Variants in EFNA5 observed in about 807,000 individuals in gnomAD.
EFNA5 encodes the protein ephrin-A5.
In EFNA5, 5 loss-of-function variants were observed where a neutral mutation model predicts 22.9. The observed-to-expected ratio is 0.22, with a 90% CI of 0.11 to 0.46. EFNA5 has a LOEUF of 0.46. Ranked by LOEUF, EFNA5 falls within the 20% of genes least tolerant of loss-of-function variation. EFNA5 has a pLI of 0.99. For missense variants in EFNA5, 237 were observed against 293.3 expected, an observed-to-expected ratio of 0.81 and a Z score of 1.40; for synonymous variants, 113 against 112.2, an observed-to-expected ratio of 1.01 and a Z score of -0.04.
At chr5:107,465,115 C>T (rs1344968144) in intron 1 of EFNA5, among the ~76,000 whole-genome samples, 1 of 151,158 alleles carries the variant, frequency 6.6e-6, no homozygotes, top group Admixed American at 6.6e-5. Flanking sequence ...CGAACCACTG[C>T]TTTTCCTTAG....
rs574402979 is a variant in EFNA5 at position 107,503,340 on chromosome 5, T to C, written c.126-75831A>G. Among the ~76,000 whole-genome samples the C allele has an allele frequency of 7.9e-5, 12 of 152,332 alleles. 1 individual carries two copies. The South Asian group carries it at 2.5e-3, about 32-fold the overall frequency. The stretch of plus-strand genomic sequence containing the variant: ...CCTTCACGTAAAATGTCAACAGTTC[T>C]AACCATCCTACTTTCATTAGCAGTT... On this transcript the variant is annotated intron_variant, in intron 1 of 4. Coordinates refer to ENST00000333274, the MANE Select transcript of EFNA5 (RefSeq NM_001962.3).
At chr5:107,526,274 A>C (rs395561) in intron 1 of EFNA5, among the ~76,000 whole-genome samples, 73,251 of 152,172 alleles carry the variant, frequency 0.48, 20,638 homozygotes, top group African/African-American at 0.77. Flanking sequence ...TTAGGTTTCA[A>C]CTAGAAGACT....
At chr5:107,637,835 A>ATTTT (rs1750413415) in intron 1 of EFNA5, among the ~76,000 whole-genome samples, 1 of 130,784 alleles carries the variant, frequency 7.6e-6, no homozygotes, top group Non-Finnish European at 1.8e-5. Context: ...CTAACAGTTT[A>ATTTT]TTTTTATTTA....
chr5:107,396,414 C>A (rs1362842823), intron 2 of EFNA5, among the ~76,000 whole-genome samples: 2 of 151,838 alleles, frequency 1.3e-5, no homozygotes, highest in Non-Finnish European at 1.5e-5. Flanking sequence ...CTCAGGTGAT[C>A]CCTACAGATC....
At chr5:107,586,192 T>A (rs1749182961) in intron 1 of EFNA5, among the ~76,000 whole-genome samples, 1 of 152,150 alleles carries the variant, frequency 6.6e-6, no homozygotes, top group Admixed American at 6.5e-5. Context: ...CAATTAAGAA[T>A]AAAGCCTGCC....
At chr5:107,424,409 G>C (rs777818965) in intron 2 of EFNA5, among the ~76,000 whole-genome samples, 3 of 150,472 alleles carry the variant, frequency 2.0e-5, no homozygotes, top group African/African-American at 7.3e-5. Context: ...GTAGCGATGG[G>C]GTTTCACTCT....
chr5:107,409,771 G>A (rs937990041), intron 2 of EFNA5, among the ~76,000 whole-genome samples: 2 of 152,188 alleles, frequency 1.3e-5, no homozygotes, highest in African/African-American at 2.4e-5. Flanking sequence ...TGAGTCAGAA[G>A]CACAGAGCCT....
intron 1 of EFNA5, among the ~76,000 whole-genome samples, chr5:107,520,878 C>A (rs1747582784): frequency 6.6e-6 from 1 of 152,106 alleles, no homozygotes; most frequent in South Asian, 2.1e-4. Flanking sequence ...GTCATTCATA[C>A]CCTGGTCATG....
chr5:107,386,655 T>C (rs780846561), intron 4 of EFNA5, among the ~76,000 whole-genome samples: 2 of 152,208 alleles, frequency 1.3e-5, no homozygotes, highest in Non-Finnish European at 2.9e-5. Context: ...GATGTGCGAA[T>C]TTGTGGTGGC....
intron 1 of EFNA5, among the ~76,000 whole-genome samples, chr5:107,511,104 G>T (rs1025356533): frequency 5.3e-5 from 8 of 150,572 alleles, no homozygotes; most frequent in African/African-American, 2.0e-4. Flanking sequence ...TTGGCTCACT[G>T]CAACCTCTGC....
chr5:107,596,497 C>A (rs1749476721), intron 1 of EFNA5, among the ~76,000 whole-genome samples: 1 of 152,108 alleles, frequency 6.6e-6, no homozygotes. Flanking sequence ...GCCACATTTT[C>A]TTTATCCATT....
At chr5:107,665,401 C>T (rs1288775118) in intron 1 of EFNA5, among the ~76,000 whole-genome samples, 1 of 152,206 alleles carries the variant, frequency 6.6e-6, no homozygotes, top group African/African-American at 2.4e-5. Context: ...GTGTTCCCTC[C>T]AAACCTGATC....
intron 1 of EFNA5, among the ~76,000 whole-genome samples, chr5:107,625,055 T>C (rs1441853846): frequency 6.6e-6 from 1 of 152,144 alleles, no homozygotes; most frequent in East Asian, 1.9e-4. Context: ...AATGTGAACA[T>C]GTAAATATGT....
At chr5:107,480,426 A>G (rs1750427177) in intron 1 of EFNA5, among the ~76,000 whole-genome samples, 1 of 152,368 alleles carries the variant, frequency 6.6e-6, no homozygotes, top group South Asian at 2.1e-4. Context: ...TAACTGGCAC[A>G]AGAAATAGCA....
intron 2 of EFNA5, among the ~76,000 whole-genome samples, chr5:107,403,743 A>G (rs1748146521): frequency 1.3e-5 from 2 of 152,222 alleles, no homozygotes; most frequent in Admixed American, 1.3e-4. Flanking sequence ...GGTTATTCAC[A>G]TGCTTTCTAG....
intron 2 of EFNA5, among the ~76,000 whole-genome samples, chr5:107,391,306 G>A (rs995978064): frequency 6.6e-6 from 1 of 152,174 alleles, no homozygotes; most frequent in African/African-American, 2.4e-5. Context: ...ACAGTTTAGC[G>A]TACCTGGAGG....
chr5:107,539,822 T>C (rs933027620), intron 1 of EFNA5, among the ~76,000 whole-genome samples: 5 of 152,188 alleles, frequency 3.3e-5, no homozygotes, highest in Admixed American at 2.0e-4. Flanking sequence ...CTATGGTTAT[T>C]TAACTCTATG....
chr5:107,576,921 A>G (rs1197982665), intron 1 of EFNA5, among the ~76,000 whole-genome samples: 1 of 152,192 alleles, frequency 6.6e-6, no homozygotes, highest in Non-Finnish European at 1.5e-5. Context: ...CCTCCACCCC[A>G]TGAAGGTTAG....
chr5:107,385,773 A>G (rs1747597193), intron 4 of EFNA5, among the ~76,000 whole-genome samples: 1 of 152,164 alleles, frequency 6.6e-6, no homozygotes, highest in Non-Finnish European at 1.5e-5. Context: ...TACCTTAAGA[A>G]GCCAAAGTCA....
Sources: gnomAD v4.1 joint callset for allele counts (sites outside exome capture counted in the v4.1 genomes callset) on GRCh38, gnomAD v4.1.1 for gene constraint, MANE v1.5 for transcripts, NCBI Gene and HGNC (gene_info 2026-07-23, HGNC 2026-07-21) for gene names.